Variants in GFRA4 observed in about 807,000 individuals in gnomAD.
The protein encoded by GFRA4 is GDNF family receptor alpha-4.
Under a neutral mutation model 28.5 loss-of-function variants are expected in GFRA4, and 31 were observed. The ratio of observed to expected loss-of-function variants is 1.09; its 90% CI spans 0.82 to 1.47. The LOEUF (loss-of-function observed/expected upper bound fraction) is 1.47, where lower values mean the gene tolerates loss of function less well. GFRA4 is among the 40% of genes most tolerant of loss of function. The pLI, the probability that GFRA4 is intolerant of heterozygous loss-of-function variation, is 0.00. For missense variants in GFRA4, 389 were observed against 413.2 expected (o/e 0.94, Z 0.51); for synonymous variants, 188 against 188.0 (o/e 1.00, Z 0.00).
At position 3,660,672 on chromosome 20, in the gene GFRA4, C is replaced by G; in HGVS notation, c.503-12G>C. The G allele has an allele frequency of 6.5e-7, 1 of 1,542,598 alleles. No homozygotes were observed. The highest frequency in any genetic ancestry group is 8.7e-7 in the Non-Finnish European group (1 of 1,143,696). On this transcript the variant is annotated splice_polypyrimidine_tract_variant and intron_variant, in intron 3 of 5. Transcript: ENST00000290417. Reference sequence around the variant, plus strand: ...GGTGACGGCGGTGCCTGCGGGGACCCTGAGGGCGAAGTCATCGGCCCACCC... The same window carrying G: ...GGTGACGGCGGTGCCTGCGGGGACCGTGAGGGCGAAGTCATCGGCCCACCC...
At position 3,660,167 on chromosome 20, in the gene GFRA4, G is replaced by C; in HGVS notation, c.720C>G (p.Ser240Arg). The C allele has an allele frequency of 6.3e-7, 1 of 1,591,630 alleles. No individual in the cohort carries two copies. Among genetic ancestry groups the C allele is most frequent in the Non-Finnish European group, 8.6e-7 (1 of 1,169,456 alleles). The change falls in exon 5 of 6, where the codon AGC (serine) becomes AGG (arginine). Residue 240 changes from serine to arginine, a missense_variant. Coordinates refer to ENST00000290417, the MANE Select transcript of GFRA4 (RefSeq NM_022139.4). ...QLNPQGDPEH[S>R]LLQVSSTGRA... ...CCCTCCCTGCACCTACCTGCAGGAG[G>C]CTGTGCTCCGGGTCTCCCTGGGGGT...
At position 3,659,570 on chromosome 20, in the gene GFRA4, T is replaced by C. The variant is rs2087194118; in HGVS notation, c.*339A>G. ...ATGGTCTCTGACCTGCTCTAGGGGA[T>C]CTGGGTCTCCAGAGAGGTCTCAGCT... On this transcript the variant is annotated 3_prime_UTR_variant, in exon 6 of 6. Coordinates refer to ENST00000290417, the MANE Select transcript of GFRA4 (RefSeq NM_022139.4). The C allele has an allele frequency of 5.3e-6, 2 of 375,056 alleles. No individual in the cohort carries two copies. The highest frequency in any genetic ancestry group is 9.8e-6 in the Non-Finnish European group (2 of 204,014). The allele number at this position is 375,056 out of a possible 1,614,324, so 23.2% of individuals were successfully genotyped here. A position where few individuals can be genotyped will look rare whatever the true frequency, so the allele number is the denominator to read the frequency against.
chr20:3,661,775 C>G (rs117215532), intron 1 of GFRA4, among the ~76,000 whole-genome samples: 5 of 152,204 alleles, frequency 3.3e-5, no homozygotes, highest in Admixed American at 1.3e-4. Context: ...TCCTCTACCC[C>G]CTCCACCTCG....
intron 1 of GFRA4, 121 bp from the exon 2 acceptor site, chr20:3,661,410 C>A: frequency 7.7e-7 from 1 of 1,305,886 alleles, no homozygotes; most frequent in Non-Finnish European, 9.7e-7. Context: ...AGAGTGTGGC[C>A]CAAAGGCGGG....
intron 1 of GFRA4, 75 bp downstream of exon 1, chr20:3,663,279 C>T: frequency 1.3e-6 from 2 of 1,521,008 alleles, no homozygotes; most frequent in Non-Finnish European, 9.0e-7. Context: ...AATATCTTGC[C>T]CTCCCACCTT....
intron 1 of GFRA4, 96 bp from the exon 2 acceptor site, chr20:3,661,385 A>C (rs2087223800): frequency 7.5e-7 from 1 of 1,326,676 alleles, no homozygotes; most frequent in Admixed American, 4.0e-5. Flanking sequence ...GGACACTGAA[A>C]ACCCGAGAAA....
rs1284452520 is a variant in GFRA4 at position 3,661,007 on chromosome 20, G to A, written c.329C>T (p.Pro110Leu). 1 of 1,465,526 alleles carries A rather than the reference G, an allele frequency of 6.8e-7. No individual in the cohort carries two copies. 90.8% of individuals were successfully genotyped at this position (1,465,526 alleles called of 1,614,324 possible). Reference protein sequence around the residue: ...TFVPSCAFSGPGPAPPSCLEP... With the variant: ...TFVPSCAFSGLGPAPPSCLEP... ...AAGGCAGGAGGGCGGCGCGGGGCCG[G>A]GCCCCGAAAAGGCGCAGGAGGGCAC... Residue 110 changes from proline to leucine, a missense_variant, in exon 2 of 6, where the codon CCC becomes CTC. Transcript: ENST00000290417.
intron 4 of GFRA4, 133 bp downstream of exon 4, chr20:3,660,393 C>A (rs2087204763): frequency 1.8e-6 from 2 of 1,091,414 alleles, no homozygotes; most frequent in South Asian, 1.6e-5. Context: ...AAATAATAAG[C>A]ACAGCTGTGA....
In GFRA4 at chr20:3,661,195, C is replaced by T. The variant is rs938986682; in HGVS notation, c.141G>A (p.Val47=). 2.0e-6 allele frequency: 3 copies of T among 1,493,434 alleles called. No individual in the cohort carries two copies. Among genetic ancestry groups the T allele is most frequent in the Non-Finnish European group, 2.7e-6 (3 of 1,128,444 alleles). 92.5% of individuals were successfully genotyped at this position (1,493,434 alleles called of 1,614,324 possible). A position where few individuals can be genotyped will look rare whatever the true frequency, so the allele number is the denominator to read the frequency against. ...GCGCAGCCCGGCCCAGGCACTGCGC[C>T]ACATACTCGGAGCGCAAACGCTGGC... ...ARCQRLRSEY[V]AQCLGRAAQG... is the part of the protein sequence containing the mutation. Residue 47 remains valine, a synonymous_variant, in exon 2 of 6, where the codon GTG becomes GTA. Transcript: ENST00000290417.
In GFRA4 at chr20:3,660,937, C is replaced by T; in HGVS notation, c.392+7G>A. 7.2e-7 allele frequency: 1 copy of T among 1,385,914 alleles called. No individual in the cohort carries two copies. The allele number at this position is 1,385,914 out of a possible 1,614,324, so 85.9% of individuals were successfully genotyped here. On this transcript the variant is annotated splice_region_variant and intron_variant, in intron 2 of 5. Transcript: ENST00000290417. ...CTCGCCACGGCCCCGCCGCCGCCCGCGCGCACCTGCAGACCCGGCTGCGCT... is the reference window on the plus strand; with the variant it reads ...CTCGCCACGGCCCCGCCGCCGCCCGTGCGCACCTGCAGACCCGGCTGCGCT...
In GFRA4 at chr20:3,661,294, GA is replaced by G; in HGVS notation, c.47-6del. ...CTCCGACCGAGCTCGCCGACCCTGG[GA>G]AAGGCGCGGGGAGGCTGCAGGTCTC... On this transcript the variant is annotated splice_polypyrimidine_tract_variant and splice_region_variant and intron_variant, in intron 1 of 5. Coordinates refer to ENST00000290417, the MANE Select transcript of GFRA4 (RefSeq NM_022139.4). 6.9e-7 allele frequency: 1 copy of G among 1,458,456 alleles called. No individual in the cohort carries two copies. Among genetic ancestry groups the G allele is most frequent in the Non-Finnish European group, 9.0e-7 (1 of 1,111,094 alleles). The allele number at this position is 1,458,456 out of a possible 1,614,324, so 90.3% of individuals were successfully genotyped here.
Position 3,660,614 on chromosome 20 carries a change from C to T in GFRA4, c.549G>A (p.Val183=). 6.4e-7 allele frequency: 1 copy of T among 1,551,120 alleles called. No homozygotes were observed. The highest frequency in any genetic ancestry group is 8.7e-7 in the Non-Finnish European group (1 of 1,147,456). ...PNYVDNVSAR[V]APWCDCGASG... is the part of the protein sequence containing the mutation. ...TGGCTCCGCAGTCGCACCAGGGCGC[C>T]ACGCGCGCGCTCACGTTGTCCACGT... The change falls in exon 4 of 6, where the codon GTG becomes GTA. Residue 183 remains valine, a synonymous_variant. Coordinates refer to ENST00000290417, the MANE Select transcript of GFRA4 (RefSeq NM_022139.4).
Position 3,661,208 on chromosome 20 carries a change from C to G in GFRA4, c.128G>C (p.Arg43Pro), listed in dbSNP as rs894843462. 21 of 1,497,690 alleles carry G rather than the reference C, an allele frequency of 1.4e-5. No homozygotes were observed. Among genetic ancestry groups the G allele is most frequent in the Non-Finnish European group, 1.8e-5 (20 of 1,130,132 alleles). 92.8% of individuals were successfully genotyped at this position (1,497,690 alleles called of 1,614,324 possible). A position where few individuals can be genotyped will look rare whatever the true frequency, so the allele number is the denominator to read the frequency against. ...CTADARCQRL[R>P]SEYVAQCLGR... ...CAGGCACTGCGCCACATACTCGGAG[C>G]GCAAACGCTGGCACCGCGCGTCCGC... Residue 43 changes from arginine to proline, a missense_variant, in exon 2 of 6, where the codon CGC becomes CCC. Transcript: ENST00000290417.
At chr20:3,660,724 C>T (rs2087210046) in intron 3 of GFRA4, 31 bp downstream of exon 3, 2 of 1,450,168 alleles carry the variant, frequency 1.4e-6, no homozygotes, top group Non-Finnish European at 9.1e-7. Flanking sequence ...TGGAGAACCC[C>T]CGCCCTCGCC....
intron 1 of GFRA4, among the ~76,000 whole-genome samples, chr20:3,661,893 C>T (rs1414759736): frequency 2.0e-5 from 3 of 152,134 alleles, no homozygotes. Context: ...GGGTGTCTCC[C>T]CTCTCCAGCC....
chr20:3,663,026 G>A (rs992679431), intron 1 of GFRA4, among the ~76,000 whole-genome samples: 3 of 152,210 alleles, frequency 2.0e-5, no homozygotes, highest in African/African-American at 4.8e-5. Context: ...CAAGGAATCT[G>A]TGTGATGGGT....
Position 3,660,792 on chromosome 20 carries a change from C to A in GFRA4, c.465G>T (p.Gln155His). 7.1e-7 allele frequency: 1 copy of A among 1,418,062 alleles called. No homozygotes were observed. Among genetic ancestry groups the A allele is most frequent in the East Asian group, 2.8e-5 (1 of 35,374 alleles). The allele number at this position is 1,418,062 out of a possible 1,614,324, so 87.8% of individuals were successfully genotyped here. A position where few individuals can be genotyped will look rare whatever the true frequency, so the allele number is the denominator to read the frequency against. Reference sequence around the variant, plus strand: ...CGTAGGCGCGCAGGCAGCGGGCGCCCTGGTCCAGCAGGCAGCCGTCGGGGG... The same window carrying A: ...CGTAGGCGCGCAGGCAGCGGGCGCCATGGTCCAGCAGGCAGCCGTCGGGGG... ...PSAPDGCLLD[Q>H]GARCLRAYAG... The change falls in exon 3 of 6, where the codon CAG becomes CAT. Residue 155 changes from glutamine (Q) to histidine (H), a missense_variant. Physicochemically the swap from Gln to His is conservative, Grantham distance 24 (BLOSUM62 0). Coordinates refer to ENST00000290417, the MANE Select transcript of GFRA4 (RefSeq NM_022139.4).
chr20:3,660,225 C>G lies in GFRA4; in HGVS notation c.662G>C (p.Ser221Thr). Residue 221 changes from serine (S) to threonine (T), a missense_variant, in exon 5 of 6, where the codon AGC (serine) becomes ACC (threonine). Physicochemically the swap from Ser to Thr is moderately conservative, Grantham distance 58 (BLOSUM62 1). Transcript: ENST00000290417. ...GTCCAGCAGGACTGGGGGCCACCCG[C>G]TGGCAAAGGCCTGAATGGCACCATC... ...CLDGAIQAFA[S>T]GWPPVLLDQL... The G allele has an allele frequency of 6.2e-7, 1 of 1,606,254 alleles. No individual in the cohort carries two copies. The highest frequency in any genetic ancestry group is 8.5e-7 in the Non-Finnish European group (1 of 1,177,036).
chr20:3,661,010 C>T lies in GFRA4; in HGVS notation c.326G>A (p.Gly109Glu). ...GCAGGAGGGCGGCGCGGGGCCGGGC[C>T]CCGAAAAGGCGCAGGAGGGCACGAA... Reference protein sequence around the residue: ...QTFVPSCAFSGPGPAPPSCLE... With the variant: ...QTFVPSCAFSEPGPAPPSCLE... The change falls in exon 2 of 6, where the codon GGG (glycine) becomes GAG (glutamate). Residue 109 changes from glycine (G) to glutamate (E), a missense_variant. Physicochemically the swap from Gly to Glu is moderately conservative, Grantham distance 98 (BLOSUM62 -2). Transcript: ENST00000290417. 2 of 1,465,378 alleles carry T rather than the reference C, an allele frequency of 1.4e-6. No individual in the cohort carries two copies. Among genetic ancestry groups the T allele is most frequent in the Non-Finnish European group, 1.8e-6 (2 of 1,116,278 alleles). 90.8% of individuals were successfully genotyped at this position (1,465,378 alleles called of 1,614,324 possible).
Sources: gnomAD v4.1 joint callset for allele counts (sites outside exome capture counted in the v4.1 genomes callset) on GRCh38, gnomAD v4.1.1 for gene constraint, MANE v1.5 for transcripts, NCBI Gene and HGNC (gene_info 2026-07-23, HGNC 2026-07-21) for gene names.